SLC1A3: variants seen among roughly 807,000 people sequenced by gnomAD.
The protein encoded by SLC1A3 is solute carrier family 1 member 3, also known as excitatory amino acid transporter 1.
SLC1A3 carries 21 observed loss-of-function variants against 48.1 expected under a neutral mutation model. The ratio of observed to expected loss-of-function variants is 0.44; its 90% confidence interval spans 0.31 to 0.63. The LOEUF (loss-of-function observed/expected upper bound fraction) is 0.63, where lower values mean the gene tolerates loss of function less well. Ranked by LOEUF, SLC1A3 falls within the 20% of genes least tolerant of loss-of-function variation. The pLI, the probability that SLC1A3 is intolerant of heterozygous loss-of-function variation, is 0.08. For synonymous variants in SLC1A3, 239 were observed against 251.4 expected, an observed-to-expected ratio of 0.95 and a Z score of 0.47; for missense variants, 546 against 689.0, an observed-to-expected ratio of 0.79 and a Z score of 2.32.
At chr5:36,627,176 T>A (rs1211923033) in intron 2 of SLC1A3, among the ~76,000 whole-genome samples, 1 of 152,098 alleles carries the variant, frequency 6.6e-6, no homozygotes, top group Admixed American at 6.5e-5. Flanking sequence ...CACACGTACG[T>A]ACCTAGACTC....
chr5:36,645,468 G>A (rs1740805383), intron 3 of SLC1A3, among the ~76,000 whole-genome samples: 1 of 151,504 alleles, frequency 6.6e-6, no homozygotes, highest in Admixed American at 6.6e-5. Context: ...TGGAATTACA[G>A]GTGCCTACCA....
intron 3 of SLC1A3, chr5:36,636,478 TC>T (rs1439165641): frequency 6.8e-5 from 9 of 131,808 alleles, no homozygotes; most frequent in African/African-American, 3.4e-4. Flanking sequence ...TTTCTTTCTT[TC>T]TTTCTTTCTT....
chr5:36,600,752 C>G (rs966727846), intron 1 of SLC1A3, among the ~76,000 whole-genome samples: 1 of 152,146 alleles, frequency 6.6e-6, no homozygotes, highest in Non-Finnish European at 1.5e-5. Context: ...TAGAATCAAT[C>G]CATAGGCACG....
At chr5:36,681,198 A>G (rs1176525789) in intron 8 of SLC1A3, among the ~76,000 whole-genome samples, 2 of 152,212 alleles carry the variant, frequency 1.3e-5, no homozygotes, top group East Asian at 1.9e-4. Context: ...TTTCCTATGC[A>G]TAGACATGCA....
chr5:36,603,752 A>G (rs1738834775), upstream of SLC1A3, among the ~76,000 whole-genome samples: 1 of 152,238 alleles, frequency 6.6e-6, no homozygotes, highest in South Asian at 2.1e-4. Flanking sequence ...TCATTGTCTT[A>G]GCATTCTACA....
At chr5:36,670,478 T>C (rs1741943572) in intron 3 of SLC1A3, among the ~76,000 whole-genome samples, 1 of 152,100 alleles carries the variant, frequency 6.6e-6, no homozygotes, top group African/African-American at 2.4e-5. Context: ...GTGATCAGAA[T>C]AATAGCTTAA....
chr5:36,623,014 C>CAAAAAA (rs1158762437), intron 2 of SLC1A3, among the ~76,000 whole-genome samples: 1 of 51,958 alleles, frequency 1.9e-5, no homozygotes, highest in Non-Finnish European at 4.2e-5. Context: ...TCCATCATCT[C>CAAAAAA]AAAAAAAAAA....
At chr5:36,629,324 C>A (rs777973972) in intron 2 of SLC1A3, 126 bp from the exon 3 acceptor site, 4 of 814,982 alleles carry the variant, frequency 4.9e-6, no homozygotes, top group Non-Finnish European at 8.0e-6. Flanking sequence ...CCCAAAGCAG[C>A]ACAGATATTT....
intron 3 of SLC1A3, among the ~76,000 whole-genome samples, chr5:36,640,227 A>G (rs1740560590): frequency 6.6e-6 from 1 of 152,222 alleles, no homozygotes; most frequent in Non-Finnish European, 1.5e-5. Context: ...TGATCTTCCA[A>G]TTTTGAGTCT....
At chr5:36,627,160 C>T (rs912061682) in intron 2 of SLC1A3, among the ~76,000 whole-genome samples, 2 of 152,084 alleles carry the variant, frequency 1.3e-5, no homozygotes, top group African/African-American at 4.8e-5. Flanking sequence ...AACATATACA[C>T]ACACACACAC....
chr5:36,634,815 G>T (rs569709748), intron 3 of SLC1A3, among the ~76,000 whole-genome samples: 2 of 152,234 alleles, frequency 1.3e-5, no homozygotes, highest in South Asian at 4.2e-4. Context: ...TGAAGGCAGT[G>T]AGCTAGAATC....
chr5:36,670,365 A>T (rs1281966965), intron 3 of SLC1A3, among the ~76,000 whole-genome samples: 1 of 152,176 alleles, frequency 6.6e-6, no homozygotes, highest in African/African-American at 2.4e-5. Context: ...GATAATTTTT[A>T]AAAATTCTTT....
intron 3 of SLC1A3, among the ~76,000 whole-genome samples, chr5:36,662,736 C>T (rs1375556992): frequency 6.6e-6 from 1 of 152,176 alleles, no homozygotes; most frequent in Non-Finnish European, 1.5e-5. Flanking sequence ...CCGGCGACCT[C>T]GCTGAGAGTG....
intron 3 of SLC1A3, among the ~76,000 whole-genome samples, chr5:36,662,009 GC>G (rs1741532892): frequency 6.6e-6 from 1 of 152,212 alleles, no homozygotes; most frequent in Non-Finnish European, 1.5e-5. Context: ...AGTAAAGACA[GC>G]TTTTGTGGAA....
Position 36,651,139 on chromosome 5 carries a change from TTTAAAAAAA to T in SLC1A3, c.320-19889_320-19881del, listed in dbSNP as rs1407275434. Among the ~76,000 whole-genome samples, 158 of 68,448 alleles carry T rather than the reference TTTAAAAAAA, an allele frequency of 2.3e-3. 1 individual carries two copies. Among genetic ancestry groups the T allele is most frequent in the African/African-American group, 7.7e-3 (148 of 19,340 alleles). The allele number at this position is 68,448 out of a possible 152,430, so 44.9% of individuals were successfully genotyped here. A position where few individuals can be genotyped will look rare whatever the true frequency, so the allele number is the denominator to read the frequency against. The stretch of plus-strand genomic sequence containing the variant: ...ATAAGAGTAGGGAAACTAAGTTTTT[TTTAAAAAAA>T]AAAAAAAAAAAAAAAAAAGGAAATA... On this transcript the variant is annotated intron_variant, in intron 3 of 9. Coordinates refer to ENST00000265113, the MANE Select transcript of SLC1A3 (RefSeq NM_004172.5).
chr5:36,617,123 C>T (rs1739467293), intron 2 of SLC1A3, among the ~76,000 whole-genome samples: 1 of 152,072 alleles, frequency 6.6e-6, no homozygotes. Context: ...GCACATGAGC[C>T]TATAATGATT....
chr5:36,623,841 C>T (rs1200164032), intron 2 of SLC1A3, among the ~76,000 whole-genome samples: 22 of 139,536 alleles, frequency 1.6e-4, no homozygotes, highest in African/African-American at 4.3e-4. Flanking sequence ...CCAGCCTGGG[C>T]GACAGAGCAA....
In SLC1A3 at chr5:36,665,432, T is replaced by C. The variant is rs111785795; in HGVS notation, c.320-5597T>C. Among the ~76,000 whole-genome samples the C allele has an allele frequency of 5.6e-4, 85 of 152,352 alleles. 1 individual carries two copies. Among genetic ancestry groups the C allele is most frequent in the African/African-American group, 1.9e-3 (79 of 41,586 alleles). On this transcript the variant is annotated intron_variant, in intron 3 of 9. Coordinates refer to ENST00000265113, the MANE Select transcript of SLC1A3 (RefSeq NM_004172.5). Reference sequence around the variant, plus strand: ...ACACAGAATGAACAAAACTGTCCTTTATCAAGGACCTACTTTGTACCCTGT... The same window carrying C: ...ACACAGAATGAACAAAACTGTCCTTCATCAAGGACCTACTTTGTACCCTGT...
At chr5:36,637,191 C>G (rs1297224154) in intron 3 of SLC1A3, among the ~76,000 whole-genome samples, 1 of 152,214 alleles carries the variant, frequency 6.6e-6, no homozygotes, top group Non-Finnish European at 1.5e-5. Flanking sequence ...TGGGTAGGGA[C>G]AGTGGTCTAG....
Sources: allele counts gnomAD v4.1 joint callset (sites outside exome capture counted in the v4.1 genomes callset), GRCh38; gene constraint gnomAD v4.1.1; transcripts MANE v1.5; gene names NCBI Gene and HGNC (gene_info 2026-07-23, HGNC 2026-07-21).